Variants in EYS observed in about 807,000 individuals in gnomAD.
The protein encoded by EYS is protein eyes shut homolog.
In EYS, 250 loss-of-function variants were observed where a neutral mutation model predicts 282.1. That is an observed-to-expected ratio of 0.89 (90% confidence interval 0.80 to 0.98). The LOEUF (loss-of-function observed/expected upper bound fraction) is 0.98, where lower values mean the gene tolerates loss of function less well. Ranked by LOEUF, EYS falls within the 50% of genes least tolerant of loss-of-function variation. EYS has a pLI of 0.00. For missense variants in EYS, 4,016 were observed against 3,709.0 expected, an observed-to-expected ratio of 1.08 and a Z score of -2.15; for synonymous variants, 1,355 against 1,282.9, an observed-to-expected ratio of 1.06 and a Z score of -1.20.
At chr6:64,367,044 A>G (rs534222687) in intron 29 of EYS, among the ~76,000 whole-genome samples, 1 of 152,126 alleles carries the variant, frequency 6.6e-6, no homozygotes, top group Non-Finnish European at 1.5e-5. Context: ...TCAAAGTAAA[A>G]AATAGTTACA....
At chr6:64,399,582 A>G (rs1239188361) in intron 28 of EYS, among the ~76,000 whole-genome samples, 1 of 151,970 alleles carries the variant, frequency 6.6e-6, no homozygotes, top group Non-Finnish European at 1.5e-5. Flanking sequence ...GAATCAAATT[A>G]TAAGCAATTT....
At chr6:64,284,212 A>G (rs1399789565) in intron 30 of EYS, among the ~76,000 whole-genome samples, 1 of 152,168 alleles carries the variant, frequency 6.6e-6, no homozygotes, top group East Asian at 1.9e-4. Flanking sequence ...CCTAGGTTCA[A>G]TGGGGGTACA....
At chr6:65,616,679 G>T (rs566659438) in intron 2 of EYS, among the ~76,000 whole-genome samples, 2 of 151,906 alleles carry the variant, frequency 1.3e-5, no homozygotes, top group East Asian at 1.9e-4. Flanking sequence ...CTAGCTACTC[G>T]GAAGGCTGAG....
chr6:65,500,811 T>C (rs1766422435), intron 2 of EYS, among the ~76,000 whole-genome samples: 1 of 151,704 alleles, frequency 6.6e-6, no homozygotes, highest in East Asian at 1.9e-4. Flanking sequence ...AGGAATGAAG[T>C]GATTGTAGGG....
chr6:63,751,413 T>C (rs1158111905), intron 41 of EYS, among the ~76,000 whole-genome samples: 1 of 152,220 alleles, frequency 6.6e-6, no homozygotes, highest in African/African-American at 2.4e-5. Flanking sequence ...TTAAGACTTT[T>C]TGTAGCATGT....
intron 14 of EYS, among the ~76,000 whole-genome samples, chr6:64,966,101 T>C (rs910299804): frequency 6.6e-6 from 1 of 152,108 alleles, no homozygotes; most frequent in Non-Finnish European, 1.5e-5. Context: ...CTCCATGCCT[T>C]TGAGTTGGAG....
In EYS at chr6:65,402,542, A is replaced by G; in HGVS notation, c.1120T>C (p.Cys374Arg). 6.4e-7 allele frequency: 1 copy of G among 1,562,050 alleles called. No individual in the cohort carries two copies. The highest frequency in any genetic ancestry group is 8.8e-7 in the Non-Finnish European group (1 of 1,133,490). The change falls in exon 7 of 43, where the codon TGT becomes CGT. Residue 374 changes from cysteine (C) to arginine (R), a missense_variant. Physicochemically the swap from Cys to Arg is radical, Grantham distance 180 (BLOSUM62 -3). Coordinates refer to ENST00000503581, the MANE Select transcript of EYS (RefSeq NM_001142800.2). ...TTATTCCTCAAAGGAAATGACTCAC[A>G]TGATGTTTGAATGCTCTTACAAAGC... is the stretch of plus-strand genomic sequence containing the variant. ...DLLCKSIQTS[C>R]ESFPLRNNAT...
intron 28 of EYS, among the ~76,000 whole-genome samples, chr6:64,391,899 C>T (rs1348768453): frequency 1.3e-5 from 2 of 152,070 alleles, no homozygotes; most frequent in Admixed American, 6.6e-5. Context: ...TGCAGAGACA[C>T]ACATAGGCTC....
intron 35 of EYS, among the ~76,000 whole-genome samples, chr6:63,885,637 A>C (rs145317078): frequency 1.2e-4 from 19 of 152,290 alleles, no homozygotes; most frequent in African/African-American, 4.1e-4. Flanking sequence ...CATCTGAATT[A>C]CTAGTCAGAA....
intron 29 of EYS, among the ~76,000 whole-genome samples, chr6:64,340,467 G>T (rs1256001749): frequency 6.6e-6 from 1 of 151,828 alleles, no homozygotes; most frequent in Non-Finnish European, 1.5e-5. Context: ...ATGAGCAATG[G>T]AGAAAGATGT....
intron 14 of EYS, among the ~76,000 whole-genome samples, chr6:64,958,190 G>C (rs948437927): frequency 6.6e-6 from 1 of 151,730 alleles, no homozygotes; most frequent in Non-Finnish European, 1.5e-5. Flanking sequence ...AATAACATAC[G>C]TATATACCAT....
chr6:63,944,754 C>A (rs1053140580), intron 35 of EYS, among the ~76,000 whole-genome samples: 5 of 151,710 alleles, frequency 3.3e-5, no homozygotes, highest in Admixed American at 3.3e-4. Context: ...GGCAAAACCC[C>A]GTCTCTACTA....
chr6:64,014,858 C>CA (rs1261961899), intron 33 of EYS, among the ~76,000 whole-genome samples: 3 of 151,698 alleles, frequency 2.0e-5, no homozygotes, highest in Non-Finnish European at 2.9e-5. Flanking sequence ...CTTTGTCAAA[C>CA]ATGACTCCCC....
chr6:64,391,149 T>C lies in EYS; in HGVS notation c.5928-2309A>G, dbSNP rs1370686840. On this transcript the variant is annotated intron_variant, in intron 28 of 42. Coordinates refer to ENST00000503581, the MANE Select transcript of EYS (RefSeq NM_001142800.2). ...GTGAAAAGACCAAATCTACGACTGATTGGTGTACCTGAAAGTGATGGGGAG... is the reference window on the plus strand; with the variant it reads ...GTGAAAAGACCAAATCTACGACTGACTGGTGTACCTGAAAGTGATGGGGAG... Among the ~76,000 whole-genome samples the C allele has an allele frequency of 3.3e-5, 5 of 152,164 alleles. No individual in the cohort carries two copies. In the East Asian group the frequency reaches 5.8e-4, roughly 18 times the overall value.
chr6:63,796,695 G>A (rs1476488105), intron 37 of EYS, among the ~76,000 whole-genome samples: 1 of 152,142 alleles, frequency 6.6e-6, no homozygotes, highest in Non-Finnish European at 1.5e-5. Flanking sequence ...AAGGACATGA[G>A]CGTGTAATCT....
intron 5 of EYS, among the ~76,000 whole-genome samples, chr6:65,438,705 G>T (rs9345626): frequency 0.18 from 28,067 of 151,810 alleles, 3,223 homozygotes; most frequent in Middle Eastern, 0.3. Flanking sequence ...TGATGGGGTT[G>T]TTTTTTTCTT....
rs148854890 is a variant in EYS, at chr6:64,045,979, C to A, written c.6725+20359G>T. On this transcript the variant is annotated intron_variant, in intron 33 of 42. Transcript: ENST00000503581. ...TATTTTATATATGTAATCTATAATA[C>A]GTATGTATTATATACTTTGTATATG... 5.2e-3 allele frequency among the ~76,000 whole-genome samples: 688 copies of A among 131,962 alleles called. 4 individuals are homozygous for A. The highest frequency in any genetic ancestry group is 0.017 in the African/African-American group (658 of 38,490). 86.6% of individuals were successfully genotyped at this position (131,962 alleles called of 152,430 possible).
chr6:64,645,472 G>A (rs1768316853), intron 22 of EYS, among the ~76,000 whole-genome samples: 1 of 152,184 alleles, frequency 6.6e-6, no homozygotes. Flanking sequence ...AGAAACAGCA[G>A]TATGAAATAG....
chr6:65,251,461 A>G (rs1014549453), intron 12 of EYS, among the ~76,000 whole-genome samples: 4 of 151,706 alleles, frequency 2.6e-5, no homozygotes. Context: ...CCAAACAAAA[A>G]AAAACAACAA....
Sources: gnomAD v4.1 joint callset for allele counts (sites outside exome capture counted in the v4.1 genomes callset) on GRCh38, gnomAD v4.1.1 for gene constraint, MANE v1.5 for transcripts, NCBI Gene and HGNC (gene_info 2026-07-23, HGNC 2026-07-21) for gene names.